CHST11: variants seen among roughly 807,000 people sequenced by gnomAD.
CHST11 encodes the protein carbohydrate sulfotransferase 11.
CHST11 carries 9 observed loss-of-function variants against 30.4 expected under a neutral mutation model. The observed-to-expected ratio is 0.30, with a 90% CI of 0.18 to 0.52. The LOEUF is 0.52. Among genes scored for constraint, CHST11 ranks in the 20% least tolerant of loss-of-function variants. CHST11 has a pLI of 0.97. For synonymous variants in CHST11, 152 were observed against 187.8 expected (o/e 0.81, Z 1.56); for missense variants, 348 against 460.6 (o/e 0.76, Z 2.24).
intron 1 of CHST11, among the ~76,000 whole-genome samples, chr12:104,547,463 G>A (rs561763907): frequency 5.3e-5 from 8 of 152,310 alleles, no homozygotes; most frequent in East Asian, 3.9e-4. Flanking sequence ...ATCCAGTACC[G>A]TGCCCATGAC....
chr12:104,633,409 TGTC>T (rs1456028155), intron 2 of CHST11, among the ~76,000 whole-genome samples: 7 of 137,588 alleles, frequency 5.1e-5, no homozygotes, highest in African/African-American at 8.5e-5. Context: ...CCTCTCCCTC[TGTC>T]TTTTTTTTTT....
chr12:104,582,542 A>C (rs1008914777), intron 1 of CHST11, among the ~76,000 whole-genome samples: 3 of 152,024 alleles, frequency 2.0e-5, no homozygotes, highest in Non-Finnish European at 4.4e-5. Flanking sequence ...ATGCAACTGG[A>C]GTTTAAGTTC....
At chr12:104,518,068 C>T (rs571313343) in intron 1 of CHST11, among the ~76,000 whole-genome samples, 3 of 152,140 alleles carry the variant, frequency 2.0e-5, no homozygotes, top group African/African-American at 7.2e-5. Context: ...GAGGTGGGAG[C>T]TTGGCCCAGG....
intron 1 of CHST11, among the ~76,000 whole-genome samples, chr12:104,584,807 G>A (rs572918708): frequency 2.0e-5 from 3 of 152,294 alleles, no homozygotes; most frequent in African/African-American, 7.2e-5. Flanking sequence ...TTGGCCACTA[G>A]AAGGGAAATT....
At chr12:104,574,921 G>T (rs1448770630) in intron 1 of CHST11, among the ~76,000 whole-genome samples, 1 of 152,040 alleles carries the variant, frequency 6.6e-6, no homozygotes, top group East Asian at 1.9e-4. Context: ...GCCGGGCGTG[G>T]TGACTCATGC....
At chr12:104,505,665 C>T (rs573785577) in intron 1 of CHST11, among the ~76,000 whole-genome samples, 2 of 152,320 alleles carry the variant, frequency 1.3e-5, no homozygotes, top group South Asian at 4.1e-4. Flanking sequence ...GTTTATTCAT[C>T]TGCAAAATGG....
intron 2 of CHST11, among the ~76,000 whole-genome samples, chr12:104,614,343 A>G (rs1461291240): frequency 6.6e-6 from 1 of 152,112 alleles, no homozygotes; most frequent in East Asian, 1.9e-4. Context: ...CAAGAGTTTG[A>G]GACCAGCCTG....
In CHST11 at chr12:104,475,688, A is replaced by ATATATATATATATATATATATATATT. The variant is rs1555226434; in HGVS notation, c.118+18162_118+18163insATATATATATATATATATATATTTAT. 1.6e-3 allele frequency among the ~76,000 whole-genome samples: 125 copies of ATATATATATATATATATATATATATT among 78,324 alleles called. 7 individuals carry two copies. Among genetic ancestry groups the ATATATATATATATATATATATATATT allele is most frequent in the Non-Finnish European group, 2.4e-3 (82 of 34,432 alleles). The allele number at this position is 78,324 out of a possible 152,430, so 51.4% of individuals were successfully genotyped here. A position where few individuals can be genotyped will look rare whatever the true frequency, so the allele number is the denominator to read the frequency against. On this transcript the variant is annotated intron_variant, in intron 1 of 2. Coordinates refer to ENST00000303694, the MANE Select transcript of CHST11 (RefSeq NM_018413.6). ...TATATATATATATATATATATATATATATTTCTGATTATGAAATTAATTCA... is the reference window on the plus strand; with the variant it reads ...TATATATATATATATATATATATATATATATATATATATATATATATATATTTATTTCTGATTATGAAATTAATTCA...
At chr12:104,588,325 G>T (rs17035902) in intron 1 of CHST11, among the ~76,000 whole-genome samples, 43,077 of 151,924 alleles carry the variant, frequency 0.28, 6,414 homozygotes, top group African/African-American at 0.37. Context: ...GACATTTTTT[G>T]CACTTCATTT....
chr12:104,647,089 T>A (rs1487972599), intron 2 of CHST11, among the ~76,000 whole-genome samples: 1 of 152,160 alleles, frequency 6.6e-6, no homozygotes, highest in Non-Finnish European at 1.5e-5. Context: ...GGAGGTGAGC[T>A]CCCCATCACA....
chr12:104,673,433 T>A (rs566352767), intron 2 of CHST11, among the ~76,000 whole-genome samples: 103 of 152,366 alleles, frequency 6.8e-4, no homozygotes, highest in African/African-American at 2.3e-3. Context: ...TTTAGCTATT[T>A]GACTTGGACA....
intron 1 of CHST11, among the ~76,000 whole-genome samples, chr12:104,523,678 C>T (rs112522457): frequency 0.01 from 1,545 of 152,332 alleles, 28 homozygotes; most frequent in African/African-American, 0.035. Context: ...TTTTGTAAAA[C>T]CGCAGAGCAG....
intron 1 of CHST11, among the ~76,000 whole-genome samples, chr12:104,527,682 C>T (rs185041017): frequency 2.9e-4 from 44 of 152,334 alleles, no homozygotes; most frequent in East Asian, 1.9e-3. Flanking sequence ...GGAAGCTACC[C>T]GCTATGCCCA....
chr12:104,746,747 C>T (rs569768632), intron 2 of CHST11, among the ~76,000 whole-genome samples: 1 of 152,260 alleles, frequency 6.6e-6, no homozygotes, highest in African/African-American at 2.4e-5. Context: ...TTTCCTAAAC[C>T]CTTTACGTTT....
chr12:104,529,073 G>A (rs1272904762), intron 1 of CHST11, among the ~76,000 whole-genome samples: 1 of 152,180 alleles, frequency 6.6e-6, no homozygotes, highest in Non-Finnish European at 1.5e-5. Flanking sequence ...AGACCCTGTG[G>A]AGGAAATGAA....
rs1232083636 is a variant in CHST11, at chr12:104,604,260, G to T, written c.204+2269G>T. On this transcript the variant is annotated intron_variant, in intron 2 of 2. Coordinates refer to ENST00000303694, the MANE Select transcript of CHST11 (RefSeq NM_018413.6). Reference sequence around the variant, plus strand: ...CCTGGGACTTGGGAGGGAAACTAGGGCTGGAGAGCAGCTCTGGGAGGCATT... The same window carrying T: ...CCTGGGACTTGGGAGGGAAACTAGGTCTGGAGAGCAGCTCTGGGAGGCATT... Among the ~76,000 whole-genome samples the T allele has an allele frequency of 2.0e-5, 3 of 152,178 alleles. No individual in the cohort carries two copies. In the East Asian group the frequency reaches 5.8e-4, roughly 29 times the overall value.
At chr12:104,469,996 G>C (rs1453990404) in intron 1 of CHST11, among the ~76,000 whole-genome samples, 1 of 152,192 alleles carries the variant, frequency 6.6e-6, no homozygotes, top group Non-Finnish European at 1.5e-5. Context: ...TTTGCAACTG[G>C]TTTGGGACCT....
At chr12:104,530,630 T>C (rs1028471748) in intron 1 of CHST11, among the ~76,000 whole-genome samples, 1 of 152,252 alleles carries the variant, frequency 6.6e-6, no homozygotes, top group African/African-American at 2.4e-5. Flanking sequence ...TATCTTGAAA[T>C]GTAGGTTAAG....
At chr12:104,671,403 G>T (rs745667219) in intron 2 of CHST11, among the ~76,000 whole-genome samples, 3 of 152,172 alleles carry the variant, frequency 2.0e-5, no homozygotes, top group Non-Finnish European at 4.4e-5. Context: ...GATTCTTAGG[G>T]TTGTTAAGAA....
Sources: allele counts gnomAD v4.1 joint callset (sites outside exome capture counted in the v4.1 genomes callset), GRCh38; gene constraint gnomAD v4.1.1; transcripts MANE v1.5; gene names NCBI Gene and HGNC (gene_info 2026-07-23, HGNC 2026-07-21).